ZMYND11: variants seen among roughly 807,000 people sequenced by gnomAD.
The protein encoded by ZMYND11 is zinc finger MYND domain-containing protein 11.
Under a neutral mutation model 84.9 loss-of-function variants are expected in ZMYND11, and 9 were observed. The ratio of observed to expected loss-of-function variants is 0.11; its 90% CI spans 0.06 to 0.18. The LOEUF (loss-of-function observed/expected upper bound fraction) is 0.18. Among genes scored for constraint, ZMYND11 ranks in the 10% least tolerant of loss-of-function variants. ZMYND11 has a pLI of 1.00. For synonymous variants in ZMYND11, 250 were observed against 244.1 expected, an observed-to-expected ratio of 1.02 and a Z score of -0.23; for missense variants, 409 against 761.0, an observed-to-expected ratio of 0.54 and a Z score of 5.44.
rs867429727 is a variant in ZMYND11 at position 245,040 on chromosome 10, T to C, written c.951-1726T>C. Among the ~76,000 whole-genome samples the C allele has an allele frequency of 2.0e-5, 3 of 152,364 alleles. No homozygotes were observed. The South Asian group carries it at 6.2e-4, about 32-fold the overall frequency. ...TTCCTACTACATAATAGGAAATCAG[T>C]AAATATCTGTTGATTGGAAGAGTAA... On this transcript the variant is annotated intron_variant, in intron 10 of 14. Coordinates refer to ENST00000381604, the MANE Select transcript of ZMYND11 (RefSeq NM_001370100.5).
At chr10:130,753 C>G (rs1268155411), upstream of ZMYND11, among the ~76,000 whole-genome samples, 1 of 152,164 alleles carries the variant, frequency 6.6e-6, no homozygotes, top group Non-Finnish European at 1.5e-5. Context: ...GGTGAAATCA[C>G]TTGAATGTCT....
intron 1 of ZMYND11, among the ~76,000 whole-genome samples, chr10:172,032 A>G (rs1343403288): frequency 2.0e-5 from 3 of 152,212 alleles, no homozygotes; most frequent in East Asian, 1.9e-4. Flanking sequence ...TGCTTCCAAG[A>G]TGATACTTTA....
At chr10:249,315 T>G (rs1412582101) in intron 14 of ZMYND11, 102 of 1,360,622 alleles carry the variant, frequency 7.5e-5, no homozygotes, top group Non-Finnish European at 9.4e-5. Flanking sequence ...TAAATTGAGA[T>G]TATAATACCT....
At chr10:230,860 C>G (rs1436720386) in intron 4 of ZMYND11, among the ~76,000 whole-genome samples, 3 of 152,138 alleles carry the variant, frequency 2.0e-5, no homozygotes, top group Non-Finnish European at 2.9e-5. Flanking sequence ...TCAACTGATA[C>G]GTATCGAACG....
chr10:213,377 A>T (rs925109313), intron 3 of ZMYND11, among the ~76,000 whole-genome samples: 1 of 152,180 alleles, frequency 6.6e-6, no homozygotes, highest in Non-Finnish European at 1.5e-5. Context: ...CACCTTATAT[A>T]TAGGATGAAT....
At chr10:212,170 C>G (rs1945356165) in intron 3 of ZMYND11, among the ~76,000 whole-genome samples, 1 of 152,030 alleles carries the variant, frequency 6.6e-6, no homozygotes, top group Non-Finnish European at 1.5e-5. Flanking sequence ...TCTTCCTCCT[C>G]AAGTTGAAGT....
At chr10:142,946 C>T (rs1837831733) in intron 1 of ZMYND11, among the ~76,000 whole-genome samples, 1 of 152,202 alleles carries the variant, frequency 6.6e-6, no homozygotes, top group Non-Finnish European at 1.5e-5. Context: ...GGCAGGAGCA[C>T]TGGAGGCGGG....
intron 1 of ZMYND11, among the ~76,000 whole-genome samples, chr10:139,128 A>G (rs1836865813): frequency 6.6e-6 from 1 of 152,216 alleles, no homozygotes; most frequent in African/African-American, 2.4e-5. Flanking sequence ...GATGAATGAT[A>G]TTATTATTCA....
At chr10:239,337 C>A in intron 6 of ZMYND11, 101 bp from the exon 7 acceptor site, 1 of 926,046 alleles carries the variant, frequency 1.1e-6, no homozygotes, top group Non-Finnish European at 1.7e-6. Flanking sequence ...AGTAGTCATC[C>A]TGATGTCATC....
intron 3 of ZMYND11, among the ~76,000 whole-genome samples, chr10:219,642 G>A (rs924951206): frequency 5.3e-5 from 8 of 152,112 alleles, no homozygotes; most frequent in African/African-American, 1.9e-4. Flanking sequence ...ATACAGCCAA[G>A]CGCCACACAC....
At chr10:212,911 C>G (rs761221542) in intron 3 of ZMYND11, among the ~76,000 whole-genome samples, 1 of 152,082 alleles carries the variant, frequency 6.6e-6, no homozygotes, top group Non-Finnish European at 1.5e-5. Context: ...AAGTGTAACT[C>G]TAAAATAATG....
At chr10:225,443 T>C (rs1044495086) in intron 4 of ZMYND11, among the ~76,000 whole-genome samples, 1 of 151,740 alleles carries the variant, frequency 6.6e-6, no homozygotes, top group African/African-American at 2.4e-5. Context: ...CTCAACCTCC[T>C]GGGCCAGCCT....
At chr10:139,268 G>A (rs1341156596) in intron 1 of ZMYND11, among the ~76,000 whole-genome samples, 3 of 151,904 alleles carry the variant, frequency 2.0e-5, no homozygotes, top group African/African-American at 7.3e-5. Flanking sequence ...AACTGCTTCA[G>A]GTTGCATTTT....
chr10:234,493 GAAT>G (rs1420723839), intron 4 of ZMYND11, among the ~76,000 whole-genome samples: 6 of 152,156 alleles, frequency 3.9e-5, no homozygotes, highest in African/African-American at 1.4e-4. Context: ...TCTTTCCTTT[GAAT>G]AATATGTTTC....
intron 1 of ZMYND11, among the ~76,000 whole-genome samples, chr10:161,542 C>T (rs1190561042): frequency 6.6e-6 from 1 of 152,184 alleles, no homozygotes; most frequent in Non-Finnish European, 1.5e-5. Flanking sequence ...TCCTAGATGG[C>T]ATTTCTTCCA....
chr10:239,852 C>CTCTATACCCTGAGAATT (rs1399280077), intron 7 of ZMYND11: 2 of 559,974 alleles, frequency 3.6e-6, no homozygotes, highest in African/African-American at 3.8e-5. Flanking sequence ...TAAGGTCATT[C>CTCTATACCCTGAGAATT]TCTATACCCT....
chr10:197,514 A>G lies in ZMYND11; in HGVS notation c.117-12375A>G, dbSNP rs548099770. Among the ~76,000 whole-genome samples the G allele has an allele frequency of 6.0e-4, 92 of 152,334 alleles. No homozygotes were observed. In the South Asian group the frequency reaches 0.015, roughly 24 times the overall value. ...ATATAAGAAAGACTTCTATACCTCT[A>G]TAAAGTCCAACAGCCTGCTGAGGAT... On this transcript the variant is annotated intron_variant, in intron 2 of 14. Transcript: ENST00000381604.
intron 10 of ZMYND11, among the ~76,000 whole-genome samples, chr10:246,475 A>G (rs890398432): frequency 6.6e-6 from 1 of 152,232 alleles, no homozygotes; most frequent in African/African-American, 2.4e-5. Flanking sequence ...ATTGGGAGGC[A>G]TTTGTGAATC....
chr10:247,520 C>G (rs1025800780), intron 12 of ZMYND11, 54 bp downstream of exon 12: 4 of 1,557,658 alleles, frequency 2.6e-6, no homozygotes, highest in African/African-American at 2.7e-5. Context: ...GAAATATTTT[C>G]AAAGTATTTT....
Sources: allele counts gnomAD v4.1 joint callset (sites outside exome capture counted in the v4.1 genomes callset), GRCh38; gene constraint gnomAD v4.1.1; transcripts MANE v1.5; gene names NCBI Gene and HGNC (gene_info 2026-07-23, HGNC 2026-07-21).